Variants in FHIT observed in about 807,000 individuals in gnomAD.
FHIT encodes fragile histidine triad diadenosine triphosphatase.
FHIT carries 19 observed loss-of-function variants against 17.9 expected under a neutral mutation model. The ratio of observed to expected loss-of-function variants is 1.06; its 90% CI spans 0.74 to 1.56. The LOEUF is 1.56. FHIT is among the 40% of genes most tolerant of loss of function. The pLI is 0.00. For missense variants in FHIT, 248 were observed against 189.2 expected (o/e 1.31, Z -1.82); for synonymous variants, 81 against 69.7 (o/e 1.16, Z -0.81).
chr3:59,803,254 A>G (rs1700069639), intron 8 of FHIT, among the ~76,000 whole-genome samples: 1 of 152,226 alleles, frequency 6.6e-6, no homozygotes, highest in Non-Finnish European at 1.5e-5. Flanking sequence ...CAATTTATAA[A>G]GACAGGGACG....
chr3:60,265,136 C>G (rs1706504527), intron 5 of FHIT, among the ~76,000 whole-genome samples: 1 of 151,900 alleles, frequency 6.6e-6, no homozygotes, highest in African/African-American at 2.4e-5. Flanking sequence ...CCAGAGCCTT[C>G]TTGGTTGAAG....
chr3:59,942,651 CTTTTT>C (rs562030071), intron 7 of FHIT, among the ~76,000 whole-genome samples: 1 of 151,932 alleles, frequency 6.6e-6, no homozygotes, highest in African/African-American at 2.4e-5. Flanking sequence ...GCCCTTAGTT[CTTTTT>C]TTATTTTTTA....
intron 5 of FHIT, among the ~76,000 whole-genome samples, chr3:60,438,998 G>T (rs1361880404): frequency 1.3e-5 from 2 of 152,134 alleles, no homozygotes; most frequent in Non-Finnish European, 2.9e-5. Flanking sequence ...TAGAGCCATT[G>T]CTTCCATTAC....
chr3:61,021,456 G>A (rs557502371), intron 3 of FHIT, among the ~76,000 whole-genome samples: 277 of 142,732 alleles, frequency 1.9e-3, no homozygotes, highest in African/African-American at 6.5e-3. Context: ...AAAATTAGCC[G>A]GGCGTAGCGG....
At chr3:60,392,173 G>A (rs925844614) in intron 5 of FHIT, among the ~76,000 whole-genome samples, 1 of 152,012 alleles carries the variant, frequency 6.6e-6, no homozygotes, top group Non-Finnish European at 1.5e-5. Context: ...TCTAGTTTGA[G>A]GCACTAAGAA....
chr3:60,665,887 A>T (rs1553692350), intron 4 of FHIT, among the ~76,000 whole-genome samples: 1 of 151,962 alleles, frequency 6.6e-6, no homozygotes, highest in African/African-American at 2.4e-5. Context: ...TGTAACCTAA[A>T]CATTTTTTAG....
intron 4 of FHIT, among the ~76,000 whole-genome samples, chr3:60,622,776 T>C (rs2039170680): frequency 6.6e-6 from 1 of 152,188 alleles, no homozygotes; most frequent in African/African-American, 2.4e-5. Context: ...GCTCATGAAG[T>C]AGAGAATTTG....
At chr3:60,474,563 A>G (rs1473475732) in intron 5 of FHIT, among the ~76,000 whole-genome samples, 4 of 152,174 alleles carry the variant, frequency 2.6e-5, no homozygotes, top group Non-Finnish European at 5.9e-5. Flanking sequence ...TACATTTTCA[A>G]AACAGTAGAA....
At chr3:60,252,185 A>G (rs1170050851) in intron 5 of FHIT, among the ~76,000 whole-genome samples, 2 of 152,164 alleles carry the variant, frequency 1.3e-5, no homozygotes, top group African/African-American at 2.4e-5. Flanking sequence ...CACTTGATGC[A>G]AGCAACACAA....
At position 60,311,250 on chromosome 3, in the gene FHIT, C is replaced by CGT. The variant is rs10621849; in HGVS notation, c.103+225608_103+225609dup. Among the ~76,000 whole-genome samples the CGT allele has an allele frequency of 2.2e-3, 333 of 150,936 alleles. 2 individuals are homozygous for CGT. Among genetic ancestry groups the CGT allele is most frequent in the Middle Eastern group, 0.01 (3 of 294 alleles). On this transcript the variant is annotated intron_variant, in intron 5 of 9. Transcript: ENST00000492590. ...CATGCCCCAAACCCCTCTACCCCAA[C>CGT]GTGTGTGTGTGTGTGTGTGTTTCAT...
At chr3:59,812,187 C>T (rs1345213448) in intron 8 of FHIT, among the ~76,000 whole-genome samples, 2 of 152,164 alleles carry the variant, frequency 1.3e-5, no homozygotes, top group Non-Finnish European at 2.9e-5. Flanking sequence ...AGTCACTCCT[C>T]AACAAAGATG....
chr3:60,624,903 T>TG (rs60577473), intron 4 of FHIT, among the ~76,000 whole-genome samples: 13 of 150,044 alleles, frequency 8.7e-5, no homozygotes, highest in Admixed American at 4.6e-4. Flanking sequence ...TAGTTTTTTT[T>TG]TTTGTTTGTT....
chr3:59,855,017 A>G (rs1463531803), intron 8 of FHIT, among the ~76,000 whole-genome samples: 1 of 152,216 alleles, frequency 6.6e-6, no homozygotes, highest in South Asian at 2.1e-4. Flanking sequence ...ACTCATATCC[A>G]GTGATCACAA....
rs80229173 is a variant in FHIT, at chr3:60,203,973, G to C, written c.104-189821C>G. Among the ~76,000 whole-genome samples the C allele has an allele frequency of 1.1e-3, 169 of 152,206 alleles. 3 individuals are homozygous for C. In the East Asian group the frequency reaches 0.026, roughly 24 times the overall value. On this transcript the variant is annotated intron_variant, in intron 5 of 9. Transcript: ENST00000492590. ...TCATGGGGAGGGGGGTGAATAGTTAGTGAGTATAAAAAATAGAAAGAATGA... is the reference window on the plus strand; with the variant it reads ...TCATGGGGAGGGGGGTGAATAGTTACTGAGTATAAAAAATAGAAAGAATGA...
intron 2 of FHIT, among the ~76,000 whole-genome samples, chr3:61,091,574 C>T (rs768926692): frequency 6.6e-6 from 1 of 151,962 alleles, no homozygotes; most frequent in African/African-American, 2.4e-5. Context: ...TCCTGCCTAA[C>T]GTTAGCAAAA....
At chr3:59,851,449 G>C (rs891359938) in intron 8 of FHIT, among the ~76,000 whole-genome samples, 5 of 152,148 alleles carry the variant, frequency 3.3e-5, no homozygotes, top group Admixed American at 2.0e-4. Flanking sequence ...CAATTTAACA[G>C]AGAAGAAGGC....
chr3:60,089,928 A>T (rs1703659552), intron 5 of FHIT, among the ~76,000 whole-genome samples: 1 of 152,218 alleles, frequency 6.6e-6, no homozygotes, highest in South Asian at 2.1e-4. Flanking sequence ...TGACAGAATA[A>T]CGAATATATA....
chr3:60,548,550 T>G lies in FHIT; in HGVS notation c.-17-11571A>C, dbSNP rs76185205. Among the ~76,000 whole-genome samples the G allele has an allele frequency of 1.1e-3, 170 of 152,266 alleles. 3 individuals are homozygous for G. Among genetic ancestry groups the G allele is most frequent in the African/African-American group, 3.6e-3 (150 of 41,550 alleles). ...AAAACATTTCCATCCCATTTCATGATTTCTCTCTCTTTTCTGTAGCAAATG... is the reference window on the plus strand; with the variant it reads ...AAAACATTTCCATCCCATTTCATGAGTTCTCTCTCTTTTCTGTAGCAAATG... On this transcript the variant is annotated intron_variant, in intron 4 of 9. Coordinates refer to ENST00000492590, the MANE Select transcript of FHIT (RefSeq NM_002012.4).
intron 3 of FHIT, among the ~76,000 whole-genome samples, chr3:60,981,295 C>CTTTTTTTTTTTTTTTTT (rs71100934): frequency 5.6e-5 from 7 of 124,500 alleles, no homozygotes; most frequent in Non-Finnish European, 6.6e-5. Flanking sequence ...TTCTTCCTTC[C>CTTTTTTTTTTTTTTTTT]TTTTTTTTTT....
Sources: gnomAD v4.1 joint callset for allele counts (sites outside exome capture counted in the v4.1 genomes callset) on GRCh38, gnomAD v4.1.1 for gene constraint, MANE v1.5 for transcripts, NCBI Gene and HGNC (gene_info 2026-07-23, HGNC 2026-07-21) for gene names.